ASPH: variants seen among roughly 807,000 people sequenced by gnomAD.
ASPH encodes the protein aspartyl/asparaginyl beta-hydroxylase.
A neutral mutation model predicts 118.4 loss-of-function variants in ASPH; 100 were observed. That is an observed-to-expected ratio of 0.84 (90% CI 0.72 to 1.00). The LOEUF (loss-of-function observed/expected upper bound fraction) is 1.00, where lower values mean the gene tolerates loss of function less well. Ranked by LOEUF, ASPH falls within the 50% of genes least tolerant of loss-of-function variation. The probability of loss-of-function intolerance (pLI) is 0.00; values close to 1 mark genes in which losing one functional copy is unlikely to be tolerated. For missense variants in ASPH, 920 were observed against 919.5 expected, an observed-to-expected ratio of 1.00 and a Z score of -0.01; for synonymous variants, 315 against 325.6, an observed-to-expected ratio of 0.97 and a Z score of 0.35.
rs190476289 is a variant in ASPH, at chr8:61,693,548, G to C, written c.104-9360C>G. On this transcript the variant is annotated intron_variant, in intron 1 of 24. Coordinates refer to ENST00000379454, the MANE Select transcript of ASPH (RefSeq NM_004318.4). ...AACCAGTATTACCAAATAACAAAAT[G>C]CAACTCTGCAGACACAAGTCAAACC... is the stretch of plus-strand genomic sequence containing the variant. Among the ~76,000 whole-genome samples, 4 of 152,148 alleles carry C rather than the reference G, an allele frequency of 2.6e-5. No homozygotes were observed. In the East Asian group the frequency reaches 7.7e-4, roughly 29 times the overall value.
chr8:61,537,759 A>T (rs185080074), intron 21 of ASPH, among the ~76,000 whole-genome samples: 15 of 152,328 alleles, frequency 9.8e-5, no homozygotes, highest in Admixed American at 9.1e-4. Flanking sequence ...GTTTGCAATT[A>T]TTCTGAAATA....
At chr8:61,516,696 A>T (rs543428011) in intron 24 of ASPH, among the ~76,000 whole-genome samples, 1 of 152,326 alleles carries the variant, frequency 6.6e-6, no homozygotes, top group South Asian at 2.1e-4. Flanking sequence ...TTTTTATAAA[A>T]CTAAATTGGA....
intron 18 of ASPH, among the ~76,000 whole-genome samples, chr8:61,560,625 A>G (rs1361810367): frequency 6.6e-6 from 1 of 152,148 alleles, no homozygotes; most frequent in Non-Finnish European, 1.5e-5. Flanking sequence ...AACTCATTCA[A>G]TTGAATAATA....
In ASPH at chr8:61,567,231, C is replaced by G; in HGVS notation, c.1237G>C (p.Asp413His). The part of the protein sequence containing the change: ...ETYQEVASLP[D>H]VPADLLKLSL... ...AGCTTCAGCAGGTCTGCAGGGACAT[C>G]AGGTAGGCTGGCCACCTCTTGGTAG... Residue 413 changes from aspartate to histidine, a missense_variant, in exon 17 of 25, where the codon GAT (aspartate) becomes CAT (histidine). Coordinates refer to ENST00000379454, the MANE Select transcript of ASPH (RefSeq NM_004318.4). The G allele has an allele frequency of 6.2e-7, 1 of 1,614,140 alleles. No homozygotes were observed. Among genetic ancestry groups the G allele is most frequent in the Non-Finnish European group, 8.5e-7 (1 of 1,180,012 alleles).
At chr8:61,597,672 G>T (rs1036952555) in intron 14 of ASPH, among the ~76,000 whole-genome samples, 20 of 152,102 alleles carry the variant, frequency 1.3e-4, no homozygotes, top group African/African-American at 4.8e-4. Context: ...ATTCCCATTA[G>T]AATAACAGCA....
intron 3 of ASPH, among the ~76,000 whole-genome samples, chr8:61,675,015 A>T (rs1824565085): frequency 6.6e-6 from 1 of 152,138 alleles, no homozygotes; most frequent in Non-Finnish European, 1.5e-5. Flanking sequence ...AACTGATGAA[A>T]TCTCATTTTA....
chr8:61,657,742 G>A (rs1049300152), intron 3 of ASPH: 3 of 152,070 alleles, frequency 2.0e-5, no homozygotes, highest in African/African-American at 7.2e-5. Context: ...TGACTTGAGG[G>A]AACACAAAGG....
At chr8:61,667,725 G>A (rs375509985) in intron 3 of ASPH, among the ~76,000 whole-genome samples, 23 of 152,240 alleles carry the variant, frequency 1.5e-4, no homozygotes, top group African/African-American at 5.3e-4. Flanking sequence ...GTAATGTAGG[G>A]TTATACATTT....
At chr8:61,607,266 T>C (rs1211482545) in intron 14 of ASPH, 1 of 702,358 alleles carries the variant, frequency 1.4e-6, no homozygotes, top group Admixed American at 2.0e-5. Flanking sequence ...AAAGGATGGC[T>C]GAAGTCCCAG....
intron 1 of ASPH, among the ~76,000 whole-genome samples, chr8:61,698,697 T>C (rs1173601923): frequency 2.0e-5 from 3 of 152,154 alleles, no homozygotes; most frequent in Admixed American, 6.5e-5. Flanking sequence ...CCTGAAGCTA[T>C]CTAGGGGCTG....
chr8:61,560,867 C>CT (rs921293051), intron 18 of ASPH, among the ~76,000 whole-genome samples: 14 of 151,850 alleles, frequency 9.2e-5, no homozygotes, highest in African/African-American at 3.4e-4. Context: ...AGATCCTGCC[C>CT]TAACCTCAAA....
intron 14 of ASPH, among the ~76,000 whole-genome samples, chr8:61,592,963 G>A (rs190465124): frequency 7.3e-4 from 111 of 152,282 alleles, no homozygotes; most frequent in Non-Finnish European, 1.1e-3. Context: ...TTGATGAAAC[G>A]TTATCTGCTA....
At position 61,661,870 on chromosome 8, in the gene ASPH, T is replaced by G. The variant is rs778517278; in HGVS notation, c.323-8210A>C. On this transcript the variant is annotated intron_variant, in intron 3 of 24. Coordinates refer to ENST00000379454, the MANE Select transcript of ASPH (RefSeq NM_004318.4). ...TCATGCTGATTGATTTATGTCAATT[T>G]CATCAGTCTCTCATTGTGAAATTTT... 8 of 427,834 alleles carry G rather than the reference T, an allele frequency of 1.9e-5. No homozygotes were observed. The South Asian group carries it at 3.3e-4, about 17-fold the overall frequency. 26.5% of individuals were successfully genotyped at this position (427,834 alleles called of 1,614,324 possible). A position where few individuals can be genotyped will look rare whatever the true frequency, so the allele number is the denominator to read the frequency against.
chr8:61,552,200 A>G (rs754073903), intron 20 of ASPH, among the ~76,000 whole-genome samples: 58 of 152,240 alleles, frequency 3.8e-4, no homozygotes, highest in Non-Finnish European at 7.5e-4. Flanking sequence ...GACTCTAAGG[A>G]GAGCCCAGCT....
At chr8:61,520,944 C>T (rs951051908) in intron 22 of ASPH, among the ~76,000 whole-genome samples, 1 of 152,226 alleles carries the variant, frequency 6.6e-6, no homozygotes, top group Non-Finnish European at 1.5e-5. Context: ...TCTTTAGACA[C>T]ATTTATCTTT....
intron 21 of ASPH, among the ~76,000 whole-genome samples, chr8:61,547,544 C>T (rs2130863975): frequency 6.6e-6 from 1 of 152,288 alleles, no homozygotes; most frequent in African/African-American, 2.4e-5. Flanking sequence ...GACATCACAG[C>T]TCTAACAGGT....
intron 14 of ASPH, among the ~76,000 whole-genome samples, chr8:61,608,109 A>G (rs1035290891): frequency 6.6e-6 from 1 of 152,216 alleles, no homozygotes; most frequent in African/African-American, 2.4e-5. Flanking sequence ...GCTGGCATCA[A>G]TGCAGTAGTA....
chr8:61,562,248 G>A (rs1830186078), intron 18 of ASPH, among the ~76,000 whole-genome samples: 1 of 150,018 alleles, frequency 6.7e-6, no homozygotes, highest in Admixed American at 6.7e-5. Flanking sequence ...CCTTTGAAAG[G>A]TATCCTTGCC....
In ASPH at chr8:61,514,186, T is replaced by A. The variant is rs901870777; in HGVS notation, c.2126+3342A>T. Among the ~76,000 whole-genome samples the A allele has an allele frequency of 4.6e-5, 7 of 152,280 alleles. No individual in the cohort carries two copies. The South Asian group carries it at 1.5e-3, about 32-fold the overall frequency. On this transcript the variant is annotated intron_variant, in intron 24 of 24. Coordinates refer to ENST00000379454, the MANE Select transcript of ASPH (RefSeq NM_004318.4). Reference sequence around the variant, plus strand: ...CTTTGTGCTAAGCCTCCTGGCACCATCCACCTGCTCCCATTCTTGGCTGCC... The same window carrying A: ...CTTTGTGCTAAGCCTCCTGGCACCAACCACCTGCTCCCATTCTTGGCTGCC...
Sources: allele counts gnomAD v4.1 joint callset (sites outside exome capture counted in the v4.1 genomes callset), GRCh38; gene constraint gnomAD v4.1.1; transcripts MANE v1.5; gene names NCBI Gene and HGNC (gene_info 2026-07-23, HGNC 2026-07-21).